Variants in SPAG16 observed in about 807,000 individuals in gnomAD.
SPAG16 encodes the protein sperm-associated antigen 16 protein.
Under a neutral mutation model 80.4 loss-of-function variants are expected in SPAG16, and 86 were observed. The ratio of observed to expected loss-of-function variants is 1.07; its 90% CI spans 0.90 to 1.28. The LOEUF (loss-of-function observed/expected upper bound fraction) is 1.28. SPAG16 is among the 50% of genes most tolerant of loss of function. The pLI is 0.00. For synonymous variants in SPAG16, 294 were observed against 265.9 expected, an observed-to-expected ratio of 1.11 and a Z score of -1.03; for missense variants, 870 against 765.3, an observed-to-expected ratio of 1.14 and a Z score of -1.61.
chr2:213,748,514 A>G (rs1433193481), intron 10 of SPAG16, among the ~76,000 whole-genome samples: 1 of 152,070 alleles, frequency 6.6e-6, no homozygotes, highest in African/African-American at 2.4e-5. Flanking sequence ...GTTCTTTGTA[A>G]AATATTATTA....
chr2:213,970,172 A>T (rs768655908), intron 12 of SPAG16, among the ~76,000 whole-genome samples: 1 of 152,166 alleles, frequency 6.6e-6, no homozygotes, highest in Non-Finnish European at 1.5e-5. Flanking sequence ...AAGATGCCAT[A>T]TCTTAATACT....
At chr2:214,218,036 C>T (rs1357362178) in intron 15 of SPAG16, among the ~76,000 whole-genome samples, 1 of 152,132 alleles carries the variant, frequency 6.6e-6, no homozygotes, top group Non-Finnish European at 1.5e-5. Flanking sequence ...AATAAACTCA[C>T]TACATCCCAG....
intron 11 of SPAG16, among the ~76,000 whole-genome samples, chr2:213,871,873 CACACACAG>C (rs778446426): frequency 0.021 from 611 of 28,836 alleles, 4 homozygotes; most frequent in East Asian, 0.082. Context: ...CACACACACA[CACACACAG>C]AGAGAGAGAG....
At chr2:214,078,191 G>C (rs1321825477) in intron 13 of SPAG16, among the ~76,000 whole-genome samples, 2 of 152,106 alleles carry the variant, frequency 1.3e-5, no homozygotes, top group Non-Finnish European at 2.9e-5. Context: ...TTCCAGAAAA[G>C]AAGGAAGCAT....
intron 13 of SPAG16, among the ~76,000 whole-genome samples, chr2:214,078,767 G>A (rs140398709): frequency 0.015 from 2,237 of 151,952 alleles, 57 homozygotes; most frequent in African/African-American, 0.051. Flanking sequence ...ATATCTTTAG[G>A]GGTTGTTGTT....
intron 10 of SPAG16, among the ~76,000 whole-genome samples, chr2:213,778,509 C>A (rs2069740119): frequency 6.6e-6 from 1 of 151,968 alleles, no homozygotes; most frequent in South Asian, 2.1e-4. Flanking sequence ...CTAGTGCTTT[C>A]ATCTCTATTA....
At chr2:213,380,842 A>C (rs953030478) in intron 9 of SPAG16, among the ~76,000 whole-genome samples, 1 of 152,142 alleles carries the variant, frequency 6.6e-6, no homozygotes, top group Non-Finnish European at 1.5e-5. Flanking sequence ...CCTGTTTCAG[A>C]GCGTTCTCCT....
intron 3 of SPAG16, among the ~76,000 whole-genome samples, chr2:213,300,684 T>C (rs528134174): frequency 6.6e-6 from 1 of 152,300 alleles, no homozygotes; most frequent in East Asian, 1.9e-4. Context: ...AAAAAAATTC[T>C]GTCTATGTTA....
In SPAG16 at chr2:214,168,573, G is replaced by T. The variant is rs2056754028; in HGVS notation, c.1720+19307G>T. ...GCCATGTTAAGTATACACAGTGAAA[G>T]AGTGGATAGTCATATTTTAGATAAG... On this transcript the variant is annotated intron_variant, in intron 15 of 15. Transcript: ENST00000331683. Among the ~76,000 whole-genome samples the T allele has an allele frequency of 2.0e-5, 3 of 152,020 alleles. No homozygotes were observed. The South Asian group carries it at 6.2e-4, about 32-fold the overall frequency.
intron 15 of SPAG16, among the ~76,000 whole-genome samples, chr2:214,233,473 CT>C (rs1282628651): frequency 6.6e-6 from 1 of 151,896 alleles, no homozygotes; most frequent in Non-Finnish European, 1.5e-5. Context: ...CTATTGCTGT[CT>C]ATTTCAACCA....
chr2:213,536,655 T>C (rs1024395918), intron 10 of SPAG16, among the ~76,000 whole-genome samples: 9 of 152,210 alleles, frequency 5.9e-5, no homozygotes, highest in Admixed American at 5.9e-4. Context: ...TTATGTCCTT[T>C]GCCCACTTTT....
At chr2:213,464,074 A>C (rs1179388068) in intron 9 of SPAG16, among the ~76,000 whole-genome samples, 1 of 152,186 alleles carries the variant, frequency 6.6e-6, no homozygotes, top group East Asian at 1.9e-4. Context: ...GGCCTTTGAC[A>C]TTTGTTTCCG....
intron 11 of SPAG16, among the ~76,000 whole-genome samples, chr2:213,902,232 A>G (rs1235486492): frequency 6.6e-6 from 1 of 152,238 alleles, no homozygotes; most frequent in African/African-American, 2.4e-5. Context: ...AGAGGCCCAC[A>G]AAACTGTGGG....
intron 15 of SPAG16, among the ~76,000 whole-genome samples, chr2:214,197,075 A>G (rs577588198): frequency 1.3e-4 from 20 of 152,162 alleles, no homozygotes; most frequent in Middle Eastern, 3.4e-3. Context: ...ACACCTGCCA[A>G]TATGAAGCTT....
chr2:213,764,834 C>A (rs953010188), intron 10 of SPAG16, among the ~76,000 whole-genome samples: 1 of 152,024 alleles, frequency 6.6e-6, no homozygotes, highest in African/African-American at 2.4e-5. Flanking sequence ...ATCTTGAAAT[C>A]ATTTATAATT....
intron 10 of SPAG16, among the ~76,000 whole-genome samples, chr2:213,564,680 G>A (rs190934364): frequency 2.0e-5 from 3 of 152,156 alleles, no homozygotes; most frequent in East Asian, 1.9e-4. Context: ...AACCACCACC[G>A]CCTCCTAACA....
rs1559598387 is a variant in SPAG16 at position 213,928,905 on chromosome 2, AC to A, written c.1215-1054del. ...GTAAAATTTTCTTGCAGCTGATGTTACACACACACACACACACACACACACA... is the reference window on the plus strand; with the variant it reads ...GTAAAATTTTCTTGCAGCTGATGTTAACACACACACACACACACACACACA... On this transcript the variant is annotated intron_variant, in intron 11 of 15. Coordinates refer to ENST00000331683, the MANE Select transcript of SPAG16 (RefSeq NM_024532.5). Among the ~76,000 whole-genome samples the A allele has an allele frequency of 4.7e-3, 10 of 2,110 alleles. No homozygotes were observed. The Non-Finnish European group carries it at 0.19, about 39-fold the overall frequency. The allele number at this position is 2,110 out of a possible 152,430, so 1.4% of individuals were successfully genotyped here.
chr2:213,821,603 C>G (rs1213956467), intron 10 of SPAG16, among the ~76,000 whole-genome samples: 1 of 152,084 alleles, frequency 6.6e-6, no homozygotes, highest in Non-Finnish European at 1.5e-5. Context: ...CAATTAAATT[C>G]TAATTGACTG....
intron 10 of SPAG16, among the ~76,000 whole-genome samples, chr2:213,626,641 A>AGTTT (rs1213389671): frequency 1.0e-5 from 1 of 98,978 alleles, no homozygotes; most frequent in African/African-American, 3.9e-5. Flanking sequence ...ATCGGGCTCA[A>AGTTT]TTTTTTTTTT....
Sources: allele counts gnomAD v4.1 joint callset (sites outside exome capture counted in the v4.1 genomes callset), GRCh38; gene constraint gnomAD v4.1.1; transcripts MANE v1.5; gene names NCBI Gene and HGNC (gene_info 2026-07-23, HGNC 2026-07-21).